INSIG2: variants seen among roughly 807,000 people sequenced by gnomAD.
INSIG2 encodes the protein insulin-induced gene 2 protein.
Under a neutral mutation model 27.2 loss-of-function variants are expected in INSIG2, and 10 were observed. The observed-to-expected ratio is 0.37, with a 90% confidence interval of 0.23 to 0.62. INSIG2 has a LOEUF of 0.62. Ranked by LOEUF, INSIG2 falls within the 20% of genes least tolerant of loss-of-function variation. INSIG2 has a pLI of 0.65. For synonymous variants in INSIG2, 97 were observed against 95.8 expected (o/e 1.01, Z -0.07); for missense variants, 178 against 270.2 (o/e 0.66, Z 2.39).
At chr2:118,107,307 C>T (rs1678698079) in intron 5 of INSIG2, 118 bp downstream of exon 5, 3 of 672,672 alleles carry the variant, frequency 4.5e-6, no homozygotes, top group South Asian at 3.8e-5. Context: ...TGCTTTTTTG[C>T]ACTTCCATTG....
chr2:118,090,283 G>C (rs1305127736), intron 1 of INSIG2, among the ~76,000 whole-genome samples: 1 of 152,172 alleles, frequency 6.6e-6, no homozygotes, highest in Non-Finnish European at 1.5e-5. Context: ...ATTGGAAGAG[G>C]AATGGTCTTG....
At chr2:118,094,217 C>T (rs1678350917) in intron 1 of INSIG2, among the ~76,000 whole-genome samples, 1 of 137,820 alleles carries the variant, frequency 7.3e-6, no homozygotes, top group African/African-American at 2.8e-5. Flanking sequence ...GCTACTGAAC[C>T]TTGCCAAAAG....
rs556663416 is a variant in INSIG2, at chr2:118,100,620, C to T, written c.245-2577C>T. ...GTCTCAAACTCCTGACCTCGCGATT[C>T]GCCTGCCTCGGCCTCTCAAAGTGCT... On this transcript the variant is annotated intron_variant, in intron 2 of 5. Transcript: ENST00000245787. Among the ~76,000 whole-genome samples, 70 of 152,136 alleles carry T rather than the reference C, an allele frequency of 4.6e-4. 1 individual carries two copies. Among genetic ancestry groups the T allele is most frequent in the Admixed American group, 9.2e-4 (14 of 15,274 alleles).
chr2:118,097,556 G>A (rs1242665201), intron 2 of INSIG2, among the ~76,000 whole-genome samples: 2 of 152,002 alleles, frequency 1.3e-5, no homozygotes, highest in East Asian at 1.9e-4. Context: ...TTGGTGGTGG[G>A]CAGTGTGTAA....
At position 118,108,583 on chromosome 2, in the gene INSIG2, T is replaced by A. The variant is rs1678734935; in HGVS notation, c.*261T>A. The A allele has an allele frequency of 3.4e-6, 1 of 292,916 alleles. No homozygotes were observed. Among genetic ancestry groups the A allele is most frequent in the East Asian group, 6.3e-5 (1 of 15,840 alleles). 18.1% of individuals were successfully genotyped at this position (292,916 alleles called of 1,614,324 possible). ...GATATATATGTACTACATTAAAAAG[T>A]GTTGATTAATAGATGAAATTTTTAA... On this transcript the variant is annotated 3_prime_UTR_variant, in exon 6 of 6. Transcript: ENST00000245787.
chr2:118,096,929 T>C, intron 2 of INSIG2, 129 bp downstream of exon 2: 1 of 1,012,118 alleles, frequency 9.9e-7, no homozygotes, highest in Non-Finnish European at 1.4e-6. Flanking sequence ...TATAATACAC[T>C]GGACCCGTTT....
At chr2:118,101,675 G>A (rs1380776210) in intron 2 of INSIG2, among the ~76,000 whole-genome samples, 2 of 152,134 alleles carry the variant, frequency 1.3e-5, no homozygotes, top group South Asian at 2.1e-4. Context: ...AGGGATGCTT[G>A]TTGCCATTTT....
chr2:118,103,795 T>A (rs1490005843), intron 3 of INSIG2, among the ~76,000 whole-genome samples: 7 of 151,946 alleles, frequency 4.6e-5, no homozygotes. Context: ...ACAAACCACA[T>A]AAACGGCATA....
Position 118,108,773 on chromosome 2 carries a change from G to A in INSIG2, c.*451G>A, listed in dbSNP as rs1409931451. The A allele has an allele frequency of 6.5e-6, 1 of 152,860 alleles. No homozygotes were observed. Among genetic ancestry groups the A allele is most frequent in the Non-Finnish European group, 1.5e-5 (1 of 68,342 alleles). 9.5% of individuals were successfully genotyped at this position (152,860 alleles called of 1,614,324 possible). On this transcript the variant is annotated 3_prime_UTR_variant, in exon 6 of 6. Coordinates refer to ENST00000245787, the MANE Select transcript of INSIG2 (RefSeq NM_016133.4). ...CAAACAAAAAGCATATGGGGAGCTGGTATTTTCTCTTTAGCTTACTGTTGT... is the reference window on the plus strand; with the variant it reads ...CAAACAAAAAGCATATGGGGAGCTGATATTTTCTCTTTAGCTTACTGTTGT...
At chr2:118,103,774 A>T (rs1341843559) in intron 3 of INSIG2, among the ~76,000 whole-genome samples, 1 of 151,894 alleles carries the variant, frequency 6.6e-6, no homozygotes. Context: ...CATTGGTTTT[A>T]ATCAATACCG....
chr2:118,109,195 C>T lies in INSIG2; in HGVS notation c.*873C>T, dbSNP rs1242927431. The T allele has an allele frequency of 6.6e-6, 1 of 152,174 alleles. No homozygotes were observed. The highest frequency in any genetic ancestry group is 1.5e-5 in the Non-Finnish European group (1 of 68,028). 9.4% of individuals were successfully genotyped at this position (152,174 alleles called of 1,614,324 possible). A position where few individuals can be genotyped will look rare whatever the true frequency, so the allele number is the denominator to read the frequency against. ...GCAATACAGAATCTCATTGCTTTTG[C>T]ACATGGAGCATATAGGAAACTCCAA... is the stretch of plus-strand genomic sequence containing the variant. On this transcript the variant is annotated 3_prime_UTR_variant, in exon 6 of 6. Transcript: ENST00000245787.
intron 1 of INSIG2, among the ~76,000 whole-genome samples, chr2:118,089,569 G>GC (rs1433161403): frequency 6.6e-6 from 1 of 151,712 alleles, no homozygotes; most frequent in Non-Finnish European, 1.5e-5. Flanking sequence ...ACTAATGGGG[G>GC]CCCCAAAGAA....
In INSIG2 at chr2:118,107,207, T is replaced by G. The variant is rs770881057; in HGVS notation, c.636+18T>G. 3.9e-6 allele frequency: 6 copies of G among 1,535,442 alleles called. No individual in the cohort carries two copies. The African/African-American group carries it at 6.8e-5, about 17-fold the overall frequency. ...TGGCAATGGTAAGCTGATGCTCACT[T>G]TTCTGAATAAGATGTGGAACAAATG... On this transcript the variant is annotated intron_variant, in intron 5 of 5. Coordinates refer to ENST00000245787, the MANE Select transcript of INSIG2 (RefSeq NM_016133.4).
chr2:118,096,933 C>G (rs1002229597), intron 2 of INSIG2, 133 bp downstream of exon 2: 2 of 1,000,642 alleles, frequency 2.0e-6, no homozygotes, highest in East Asian at 2.7e-5. Context: ...ATACACTGGA[C>G]CCGTTTGAAT....
At chr2:118,091,009 ATTAT>A (rs1678211717) in intron 1 of INSIG2, among the ~76,000 whole-genome samples, 1 of 152,198 alleles carries the variant, frequency 6.6e-6, no homozygotes. Flanking sequence ...TGGTCAGCAA[ATTAT>A]TTGTCAAGTA....
In INSIG2 at chr2:118,109,681, A is replaced by T. The variant is rs996091499; in HGVS notation, c.*1359A>T. On this transcript the variant is annotated 3_prime_UTR_variant, in exon 6 of 6. Coordinates refer to ENST00000245787, the MANE Select transcript of INSIG2 (RefSeq NM_016133.4). ...CATGCTTTCCTAGAATGTCAAGTAG[A>T]TATTTTTACACTTTGAGTTTTAAAG... 4.0e-5 allele frequency: 6 copies of T among 151,494 alleles called. No homozygotes were observed. Among genetic ancestry groups the T allele is most frequent in the African/African-American group, 1.5e-4 (6 of 41,022 alleles). 9.4% of individuals were successfully genotyped at this position (151,494 alleles called of 1,614,324 possible).
chr2:118,104,267 A>C (rs529452125), intron 3 of INSIG2, among the ~76,000 whole-genome samples: 1 of 152,312 alleles, frequency 6.6e-6, no homozygotes, highest in East Asian at 1.9e-4. Flanking sequence ...TCATGTGTCA[A>C]GTAGACCCCT....
chr2:118,108,030 GC>G (rs1678716804), intron 5 of INSIG2, among the ~76,000 whole-genome samples: 1 of 152,094 alleles, frequency 6.6e-6, no homozygotes, highest in Non-Finnish European at 1.5e-5. Flanking sequence ...GCCACTACTT[GC>G]TTGTAATGCA....
At chr2:118,106,968 G>T in intron 4 of INSIG2, 65 bp downstream of exon 4, 1 of 1,557,476 alleles carries the variant, frequency 6.4e-7, no homozygotes, top group Non-Finnish European at 8.8e-7. Flanking sequence ...ACCGCTTTCA[G>T]AATTGAGATT....
Sources: allele counts gnomAD v4.1 joint callset (sites outside exome capture counted in the v4.1 genomes callset), GRCh38; gene constraint gnomAD v4.1.1; transcripts MANE v1.5; gene names NCBI Gene and HGNC (gene_info 2026-07-23, HGNC 2026-07-21).